The following CD2 variants were observed in gnomAD, a reference collection of about 807,000 sequenced individuals.
The protein encoded by CD2 is T-cell surface antigen CD2.
A neutral mutation model predicts 23.2 loss-of-function variants in CD2; 18 were observed. The observed-to-expected ratio is 0.77, with a 90% confidence interval of 0.54 to 1.15. CD2 has a LOEUF of 1.15. Among genes scored for constraint, CD2 ranks in the 50% most tolerant of loss-of-function variants. The pLI, the probability that CD2 is intolerant of heterozygous loss-of-function variation, is 0.00. For synonymous variants in CD2, 162 were observed against 151.9 expected (o/e 1.07, Z -0.49); for missense variants, 424 against 423.1 (o/e 1.00, Z -0.02).
At chr1:116,765,412 C>T (rs1360839121) in intron 4 of CD2, among the ~76,000 whole-genome samples, 1 of 152,182 alleles carries the variant, frequency 6.6e-6, no homozygotes, top group African/African-American at 2.4e-5. Flanking sequence ...CCAGTGCTGC[C>T]CAGGGAGGTG....
rs773313986 is a variant in CD2, at chr1:116,768,752, C to T, written c.1025C>T (p.Ala342Val). 2.5e-6 allele frequency: 4 copies of T among 1,613,500 alleles called. No individual in the cohort carries two copies. Among genetic ancestry groups the T allele is most frequent in the East Asian group, 4.5e-5 (2 of 44,868 alleles). The change falls in exon 5 of 5, where the codon GCA becomes GTA. Residue 342 changes from alanine (A) to valine (V), a missense_variant. Coordinates refer to ENST00000369478, the MANE Select transcript of CD2 (RefSeq NM_001767.5). ...RVQPKPPHGA[A>V]ENSLSPSSN ...CAGCCAAAACCTCCCCATGGGGCAG[C>T]AGAAAACTCATTGTCCCCTTCCTCT...
chr1:116,766,998 G>A (rs1412425725), intron 4 of CD2, among the ~76,000 whole-genome samples: 1 of 152,218 alleles, frequency 6.6e-6, no homozygotes, highest in Non-Finnish European at 1.5e-5. Flanking sequence ...CCAGGGGTTA[G>A]AGCCCTCTCC....
At chr1:116,759,890 G>C (rs970525226) in intron 2 of CD2, among the ~76,000 whole-genome samples, 1 of 152,196 alleles carries the variant, frequency 6.6e-6, no homozygotes, top group Non-Finnish European at 1.5e-5. Context: ...AGGTATCCAA[G>C]GTCCCCAGTC....
chr1:116,755,609 T>C (rs151029932), intron 2 of CD2, among the ~76,000 whole-genome samples: 278 of 152,282 alleles, frequency 1.8e-3, no homozygotes, highest in Non-Finnish European at 2.5e-3. Flanking sequence ...GCTGCTGTAA[T>C]CCAAGTGGAG....
chr1:116,763,645 G>A lies in CD2; in HGVS notation c.614-839G>A, dbSNP rs548780668. Among the ~76,000 whole-genome samples, 11 of 152,320 alleles carry A rather than the reference G, an allele frequency of 7.2e-5. No individual in the cohort carries two copies. The South Asian group carries it at 2.3e-3, about 32-fold the overall frequency. On this transcript the variant is annotated intron_variant, in intron 3 of 4. Transcript: ENST00000369478. ...GATTGACTTCCAACAGCCACCCTAT[G>A]ATGTAGGTTTCATTATCTCCACTTT...
At chr1:116,764,714 T>A in intron 4 of CD2, 108 bp downstream of exon 4, 1 of 842,522 alleles carries the variant, frequency 1.2e-6, no homozygotes, top group Non-Finnish European at 2.0e-6. Context: ...AAATAGGTAG[T>A]TTCGGAATGT....
At chr1:116,755,353 C>G (rs1258267888) in intron 2 of CD2, among the ~76,000 whole-genome samples, 2 of 152,302 alleles carry the variant, frequency 1.3e-5, no homozygotes, top group South Asian at 2.1e-4. Context: ...CTTTCATCGA[C>G]AGAGCCCATT....
chr1:116,754,739 T>A lies in CD2; in HGVS notation c.170T>A (p.Ile57Lys). 6.2e-7 allele frequency: 1 copy of A among 1,613,546 alleles called. No individual in the cohort carries two copies. Among genetic ancestry groups the A allele is most frequent in the East Asian group, 2.2e-5 (1 of 44,870 alleles). The change falls in exon 2 of 5, where the codon ATA becomes AAA. Residue 57 changes from isoleucine (I) to lysine (K), a missense_variant. By Grantham distance (102) the Ile-to-Lys change is moderately radical (BLOSUM62 -3). Coordinates refer to ENST00000369478, the MANE Select transcript of CD2 (RefSeq NM_001767.5). ...SFQMSDDIDDIKWEKTSDKKK... is the reference protein window; with the variant it reads ...SFQMSDDIDDKKWEKTSDKKK... Reference sequence around the variant, plus strand: ...CAAATGAGTGATGATATTGACGATATAAAATGGGAAAAAACTTCAGACAAG... The same window carrying A: ...CAAATGAGTGATGATATTGACGATAAAAAATGGGAAAAAACTTCAGACAAG...
chr1:116,765,135 C>T (rs1652176480), intron 4 of CD2, among the ~76,000 whole-genome samples: 2 of 152,152 alleles, frequency 1.3e-5, no homozygotes, highest in Admixed American at 1.3e-4. Context: ...AGTTTTTCCT[C>T]AGATCAGGCC....
rs563219402 is a variant in CD2 at position 116,755,305 on chromosome 1, T to C, written c.382+354T>C. On this transcript the variant is annotated intron_variant, in intron 2 of 4. Coordinates refer to ENST00000369478, the MANE Select transcript of CD2 (RefSeq NM_001767.5). ...TGCTGATGAATCGGCGAGCTAAGAG[T>C]GGGGCGAGAAGAAGAGGCTGACTGG... 1.9e-3 allele frequency among the ~76,000 whole-genome samples: 286 copies of C among 151,694 alleles called. 14 individuals carry two copies. In the South Asian group the frequency reaches 0.056, roughly 30 times the overall value.
intron 2 of CD2, among the ~76,000 whole-genome samples, chr1:116,759,071 T>C (rs745363578): frequency 6.6e-5 from 10 of 152,170 alleles, no homozygotes; most frequent in East Asian, 1.9e-4. Context: ...TGTTACTGTG[T>C]TGCTGTTATA....
At chr1:116,761,711 G>T (rs1160940207) in intron 3 of CD2, among the ~76,000 whole-genome samples, 1 of 152,164 alleles carries the variant, frequency 6.6e-6, no homozygotes, top group Non-Finnish European at 1.5e-5. Context: ...GTCATTGAAG[G>T]CATCTGAGAG....
At chr1:116,766,297 A>G (rs762475996) in intron 4 of CD2, among the ~76,000 whole-genome samples, 33 of 152,366 alleles carry the variant, frequency 2.2e-4, no homozygotes, top group African/African-American at 4.1e-4. Flanking sequence ...GGCAGGGTGC[A>G]CAGAGCCGTA....
At chr1:116,761,674 C>A (rs556677120) in intron 3 of CD2, among the ~76,000 whole-genome samples, 3 of 152,306 alleles carry the variant, frequency 2.0e-5, no homozygotes, top group South Asian at 4.1e-4. Context: ...GGGGATTGCA[C>A]ATAGGTGAGA....
At chr1:116,768,252 G>A (rs1393113973) in intron 4 of CD2, among the ~76,000 whole-genome samples, 1 of 152,122 alleles carries the variant, frequency 6.6e-6, no homozygotes, top group African/African-American at 2.4e-5. Context: ...CTGATTCCTT[G>A]AGTTCTCTTG....
At chr1:116,767,850 C>A (rs1354107372) in intron 4 of CD2, among the ~76,000 whole-genome samples, 2 of 152,224 alleles carry the variant, frequency 1.3e-5, no homozygotes, top group South Asian at 2.1e-4. Flanking sequence ...GGACTGAAGT[C>A]ACACAAAGAA....
chr1:116,758,054 C>T (rs1029342758), intron 2 of CD2, among the ~76,000 whole-genome samples: 3 of 151,528 alleles, frequency 2.0e-5, no homozygotes, highest in Admixed American at 6.6e-5. Context: ...AGGCATGAGC[C>T]ACCTCTCCCA....
chr1:116,755,131 A>G, intron 2 of CD2, 180 bp downstream of exon 2: 1 of 607,554 alleles, frequency 1.6e-6, no homozygotes, highest in Non-Finnish European at 2.9e-6. Context: ...TGGGATCCAC[A>G]CATCTGATAG....
chr1:116,759,254 A>G (rs768454190), intron 2 of CD2, among the ~76,000 whole-genome samples: 23 of 152,162 alleles, frequency 1.5e-4, no homozygotes, highest in Non-Finnish European at 2.5e-4. Context: ...GCATGCCTAT[A>G]TATATCGGGA....
Sources: allele counts gnomAD v4.1 joint callset (sites outside exome capture counted in the v4.1 genomes callset), GRCh38; gene constraint gnomAD v4.1.1; transcripts MANE v1.5; gene names NCBI Gene and HGNC (gene_info 2026-07-23, HGNC 2026-07-21).